KPNA1: variants seen among roughly 807,000 people sequenced by gnomAD.
KPNA1 encodes the protein importin subunit alpha-5.
A neutral mutation model predicts 70.5 loss-of-function variants in KPNA1; 10 were observed. That is an observed-to-expected ratio of 0.14 (90% CI 0.09 to 0.24). The LOEUF (loss-of-function observed/expected upper bound fraction) is 0.24, where lower values mean the gene tolerates loss of function less well. Among genes scored for constraint, KPNA1 ranks in the 10% least tolerant of loss-of-function variants. KPNA1 has a pLI of 1.00. For synonymous variants in KPNA1, 192 were observed against 221.9 expected, an observed-to-expected ratio of 0.87 and a Z score of 1.20; for missense variants, 397 against 637.9, an observed-to-expected ratio of 0.62 and a Z score of 4.07.
At chr3:122,493,928 C>T (rs1449814746) in intron 2 of KPNA1, among the ~76,000 whole-genome samples, 1 of 152,028 alleles carries the variant, frequency 6.6e-6, no homozygotes, top group Non-Finnish European at 1.5e-5. Context: ...TTAGTGATGT[C>T]GACCCTTTTT....
At chr3:122,435,774 T>C (rs1421705251) in intron 11 of KPNA1, among the ~76,000 whole-genome samples, 3 of 152,258 alleles carry the variant, frequency 2.0e-5, no homozygotes, top group Non-Finnish European at 4.4e-5. Flanking sequence ...TATAATTTCC[T>C]ATGCCTATCT....
chr3:122,427,844 C>G (rs1560012880), intron 12 of KPNA1, 128 bp from the exon 13 acceptor site: 1 of 565,492 alleles, frequency 1.8e-6, no homozygotes, highest in East Asian at 3.0e-5. Flanking sequence ...AGCACTCTTT[C>G]AACCATACAA....
At chr3:122,437,682 G>C (rs1325969495) in intron 10 of KPNA1, among the ~76,000 whole-genome samples, 1 of 152,124 alleles carries the variant, frequency 6.6e-6, no homozygotes, top group Non-Finnish European at 1.5e-5. Flanking sequence ...GGTAGTCAAT[G>C]AACGAATACG....
At chr3:122,446,386 C>T (rs2076138405) in intron 9 of KPNA1, among the ~76,000 whole-genome samples, 1 of 152,216 alleles carries the variant, frequency 6.6e-6, no homozygotes, top group South Asian at 2.1e-4. Context: ...AACCGCACAA[C>T]TACATGGAAA....
At chr3:122,496,622 T>TA in intron 1 of KPNA1, 52 bp from the exon 2 acceptor site, 1 of 1,534,132 alleles carries the variant, frequency 6.5e-7, no homozygotes, top group Non-Finnish European at 9.0e-7. Context: ...AGAGCTCTGT[T>TA]ATTCTAAGAG....
chr3:122,504,811 A>AT (rs1455062748), intron 1 of KPNA1, among the ~76,000 whole-genome samples: 2 of 152,006 alleles, frequency 1.3e-5, no homozygotes, highest in African/African-American at 4.8e-5. Context: ...AGAGAGAGAG[A>AT]TTTTTTAAAA....
At chr3:122,488,790 GT>G (rs1560049838) in intron 2 of KPNA1, among the ~76,000 whole-genome samples, 1 of 152,138 alleles carries the variant, frequency 6.6e-6, no homozygotes, top group African/African-American at 2.4e-5. Context: ...TACTCTGGGC[GT>G]TTTTAAGAGT....
chr3:122,440,335 G>A (rs1270314463), intron 10 of KPNA1, among the ~76,000 whole-genome samples: 1 of 152,158 alleles, frequency 6.6e-6, no homozygotes, highest in Non-Finnish European at 1.5e-5. Context: ...AACATTAGGA[G>A]CAGAGAATGT....
At chr3:122,468,368 G>A (rs564425726) in intron 2 of KPNA1, among the ~76,000 whole-genome samples, 1 of 152,102 alleles carries the variant, frequency 6.6e-6, no homozygotes, top group East Asian at 1.9e-4. Context: ...AAGATCTACA[G>A]GAGGTTCTCT....
intron 2 of KPNA1, among the ~76,000 whole-genome samples, chr3:122,479,320 C>T (rs991411145): frequency 5.3e-5 from 8 of 152,158 alleles, no homozygotes; most frequent in Non-Finnish European, 8.8e-5. Flanking sequence ...ATACCACTAC[C>T]TACCTATCAG....
intron 2 of KPNA1, among the ~76,000 whole-genome samples, chr3:122,484,372 T>G (rs1466847482): frequency 6.6e-6 from 1 of 152,140 alleles, no homozygotes; most frequent in Non-Finnish European, 1.5e-5. Flanking sequence ...TTATAAAAAA[T>G]AAACATGACC....
At position 122,424,572 on chromosome 3, in the gene KPNA1, C is replaced by T. The variant is rs2075797658; in HGVS notation, c.*2413G>A. On this transcript the variant is annotated 3_prime_UTR_variant, in exon 14 of 14. Transcript: ENST00000344337. ...GTTTTAGACACAAAATAGATCACGTCAGTTAAATAGACTTTGTTTTAATTC... is the reference window on the plus strand; with the variant it reads ...GTTTTAGACACAAAATAGATCACGTTAGTTAAATAGACTTTGTTTTAATTC... 1 of 152,592 alleles carries T rather than the reference C, an allele frequency of 6.6e-6. No homozygotes were observed. The allele number at this position is 152,592 out of a possible 1,614,324, so 9.5% of individuals were successfully genotyped here.
chr3:122,476,861 C>CAAAAAAAAAA lies in KPNA1; in HGVS notation c.130-9442_130-9433dup, dbSNP rs144118691. On this transcript the variant is annotated intron_variant, in intron 2 of 13. Transcript: ENST00000344337. ...TATGAAAAACAGTATGGAGGTTCCA[C>CAAAAAAAAAA]AAAAAAAAAAAAAAAAAAAAAAACT... Among the ~76,000 whole-genome samples, 196 of 65,412 alleles carry CAAAAAAAAAA rather than the reference C, an allele frequency of 3.0e-3. 5 individuals are homozygous for CAAAAAAAAAA. The highest frequency in any genetic ancestry group is 7.6e-3 in the East Asian group (9 of 1,186). 42.9% of individuals were successfully genotyped at this position (65,412 alleles called of 152,430 possible).
chr3:122,512,556 T>C (rs944712279), intron 1 of KPNA1, among the ~76,000 whole-genome samples: 1 of 152,144 alleles, frequency 6.6e-6, no homozygotes, highest in Non-Finnish European at 1.5e-5. Context: ...ACCACCCGTC[T>C]CTACTAAAAT....
At chr3:122,443,954 C>T (rs558259058) in intron 9 of KPNA1, among the ~76,000 whole-genome samples, 2 of 152,264 alleles carry the variant, frequency 1.3e-5, no homozygotes, top group South Asian at 2.1e-4. Context: ...GACTAGAATT[C>T]GCCAGGCTGG....
intron 2 of KPNA1, among the ~76,000 whole-genome samples, chr3:122,488,554 G>A (rs959727397): frequency 3.3e-5 from 5 of 152,182 alleles, no homozygotes; most frequent in African/African-American, 1.2e-4. Flanking sequence ...TTATTCTGTA[G>A]AGATACATAT....
At chr3:122,428,220 T>C (rs2075848843) in intron 12 of KPNA1, among the ~76,000 whole-genome samples, 1 of 152,206 alleles carries the variant, frequency 6.6e-6, no homozygotes, top group African/African-American at 2.4e-5. Context: ...TCAAGCAGAA[T>C]GTATAACCGT....
rs777283799 is a variant in KPNA1 at position 122,433,770 on chromosome 3, T to G, written c.1141A>C (p.Ile381Leu). 1.4e-5 allele frequency: 22 copies of G among 1,606,338 alleles called. No homozygotes were observed. The highest frequency in any genetic ancestry group is 1.6e-5 in the Non-Finnish European group (19 of 1,177,652). ...AQIQTVIDAN[I>L]FPALISILQT... ...AAAATACTAATGAGGGCTGGGAAAA[T>G]GTTGGCATCTATCACAGTCTAAAAT... The change falls in exon 12 of 14, where the codon ATT becomes CTT. Residue 381 changes from isoleucine to leucine, a missense_variant. Transcript: ENST00000344337.
chr3:122,488,682 T>G (rs1369988898), intron 2 of KPNA1, among the ~76,000 whole-genome samples: 1 of 152,220 alleles, frequency 6.6e-6, no homozygotes, highest in Non-Finnish European at 1.5e-5. Flanking sequence ...AGTTGACAGT[T>G]TCCTTAAACG....
Sources: allele counts gnomAD v4.1 joint callset (sites outside exome capture counted in the v4.1 genomes callset), GRCh38; gene constraint gnomAD v4.1.1; transcripts MANE v1.5; gene names NCBI Gene and HGNC (gene_info 2026-07-23, HGNC 2026-07-21).